TCEA3: variants seen among roughly 807,000 people sequenced by gnomAD.
TCEA3 encodes the protein transcription elongation factor A3, also known as transcription elongation factor A protein 3.
In TCEA3, 36 loss-of-function variants were observed where a neutral mutation model predicts 44.0. The ratio of observed to expected loss-of-function variants is 0.82; its 90% CI spans 0.63 to 1.08. The LOEUF (loss-of-function observed/expected upper bound fraction) is 1.08. Ranked by LOEUF, TCEA3 falls within the 50% of genes least tolerant of loss-of-function variation. TCEA3 has a pLI of 0.00. For missense variants in TCEA3, 392 were observed against 441.2 expected (o/e 0.89, Z 1.00); for synonymous variants, 162 against 159.7 (o/e 1.01, Z -0.11).
At chr1:23,384,106 A>C in intron 10 of TCEA3, 1 of 1,346,612 alleles carries the variant, frequency 7.4e-7, no homozygotes, top group South Asian at 1.9e-5. Flanking sequence ...CCTGTGATAA[A>C]ATGTGGGCTG....
chr1:23,413,899 T>C (rs964118747), intron 4 of TCEA3, among the ~76,000 whole-genome samples: 1 of 151,370 alleles, frequency 6.6e-6, no homozygotes, highest in Non-Finnish European at 1.5e-5. Flanking sequence ...CAAAATAGTA[T>C]ACAGAGTGTA....
chr1:23,387,680 C>A (rs1289604404), intron 8 of TCEA3, among the ~76,000 whole-genome samples: 1 of 152,152 alleles, frequency 6.6e-6, no homozygotes, highest in Non-Finnish European at 1.5e-5. Context: ...AGGACGAGCA[C>A]TCCTGTGTAC....
chr1:23,387,310 C>A lies in TCEA3; in HGVS notation c.929G>T (p.Cys310Phe). 6.2e-7 allele frequency: 1 copy of A among 1,613,966 alleles called. No homozygotes were observed. The highest frequency in any genetic ancestry group is 8.5e-7 in the Non-Finnish European group (1 of 1,179,890). Reference protein sequence around the residue: ...TGGTTTDLFQCSKCKKKNCTY... With the variant: ...TGGTTTDLFQFSKCKKKNCTY... Reference sequence around the variant, plus strand: ...GCAGTTCTTCTTCTTGCATTTGCTGCACTGGAAGAGGTCAGTGGTGGTGCC... The same window carrying A: ...GCAGTTCTTCTTCTTGCATTTGCTGAACTGGAAGAGGTCAGTGGTGGTGCC... Residue 310 changes from cysteine (C) to phenylalanine (F), a missense_variant, in exon 9 of 11, where the codon TGC becomes TTC. Cys to Phe is a radical substitution (Grantham distance 205). Coordinates refer to ENST00000450454, the MANE Select transcript of TCEA3 (RefSeq NM_003196.3).
rs578093890 is a variant in TCEA3 at position 23,424,692 on chromosome 1, G to T, written c.-59C>A. On this transcript the variant is annotated 5_prime_UTR_variant, in exon 1 of 11. Transcript: ENST00000450454. ...CAGGGGCAGCAGTAGGGCCTCGGGG[G>T]CAGGAGGCGCGAAGGCGGAGGGCGC... The T allele has an allele frequency of 2.2e-6, 3 of 1,387,424 alleles. No individual in the cohort carries two copies. The Admixed American group carries it at 5.7e-5, about 26-fold the overall frequency. The allele number at this position is 1,387,424 out of a possible 1,614,324, so 85.9% of individuals were successfully genotyped here.
chr1:23,416,000 C>CTTT (rs768819564), intron 4 of TCEA3, among the ~76,000 whole-genome samples: 66 of 118,690 alleles, frequency 5.6e-4, no homozygotes, highest in East Asian at 9.8e-4. Flanking sequence ...CTACATTTTC[C>CTTT]TTTTTTTTTT....
chr1:23,398,030 T>C (rs1249778990), intron 5 of TCEA3, 75 bp from the exon 6 acceptor site: 11 of 1,536,316 alleles, frequency 7.2e-6, no homozygotes, highest in Non-Finnish European at 9.7e-6. Flanking sequence ...TCTAGATGTC[T>C]TGATGGATGA....
At chr1:23,415,834 C>A (rs1639872627) in intron 4 of TCEA3, among the ~76,000 whole-genome samples, 1 of 152,028 alleles carries the variant, frequency 6.6e-6, no homozygotes, top group African/African-American at 2.4e-5. Flanking sequence ...GTGACAAAAC[C>A]ATTTCACAGG....
chr1:23,398,331 T>C (rs998684952), intron 5 of TCEA3, among the ~76,000 whole-genome samples: 18 of 152,220 alleles, frequency 1.2e-4, no homozygotes, highest in African/African-American at 3.6e-4. Context: ...CCAATAATTA[T>C]ATGCAATTGA....
At chr1:23,390,272 C>T (rs1445657993) in intron 8 of TCEA3, among the ~76,000 whole-genome samples, 2 of 152,238 alleles carry the variant, frequency 1.3e-5, no homozygotes, top group South Asian at 2.1e-4. Flanking sequence ...AGTTTGAGAC[C>T]AACCTGGCCA....
chr1:23,387,517 T>C, intron 8 of TCEA3, 98 bp from the exon 9 acceptor site: 1 of 1,365,730 alleles, frequency 7.3e-7, no homozygotes. Context: ...GGAGGTAACA[T>C]GCTTTATTGA....
chr1:23,381,749 C>T (rs540257291), intron 10 of TCEA3, among the ~76,000 whole-genome samples: 1 of 152,316 alleles, frequency 6.6e-6, no homozygotes, highest in East Asian at 1.9e-4. Flanking sequence ...TCAAGAACAT[C>T]ACTGGGATGG....
At chr1:23,393,402 T>G (rs1639119971) in intron 8 of TCEA3, among the ~76,000 whole-genome samples, 1 of 150,894 alleles carries the variant, frequency 6.6e-6, no homozygotes, top group African/African-American at 2.5e-5. Flanking sequence ...GCACTCCACA[T>G]ATACACACCA....
chr1:23,398,549 G>A (rs1639287674), intron 5 of TCEA3, among the ~76,000 whole-genome samples: 1 of 152,294 alleles, frequency 6.6e-6, no homozygotes, highest in East Asian at 1.9e-4. Flanking sequence ...AAAAGGGCTG[G>A]CTTTGCTAGA....
chr1:23,383,665 C>T (rs1638737092), intron 10 of TCEA3: 2 of 985,276 alleles, frequency 2.0e-6, no homozygotes, highest in Admixed American at 6.2e-5. Context: ...CCTGGTGGCC[C>T]AGACATCACA....
chr1:23,419,423 T>A, intron 1 of TCEA3: 1 of 323,370 alleles, frequency 3.1e-6, no homozygotes, highest in Non-Finnish European at 5.6e-6. Flanking sequence ...CCCTTCCCCA[T>A]CTTTCCTCCC....
In TCEA3 at chr1:23,402,560, C is replaced by A. The variant is rs79277152; in HGVS notation, c.444-4605G>T. Among the ~76,000 whole-genome samples the A allele has an allele frequency of 7.8e-3, 1,185 of 152,332 alleles. 23 individuals carry two copies. Among genetic ancestry groups the A allele is most frequent in the African/African-American group, 0.027 (1,119 of 41,578 alleles). ...TCTTCCTTCCTGGAATGCTCTTCCT[C>A]CTCCAGGTCTCAGCTCGCATGAGGG... On this transcript the variant is annotated intron_variant, in intron 5 of 10. Coordinates refer to ENST00000450454, the MANE Select transcript of TCEA3 (RefSeq NM_003196.3).
At chr1:23,409,044 C>T (rs1032249683) in intron 4 of TCEA3, among the ~76,000 whole-genome samples, 2 of 152,122 alleles carry the variant, frequency 1.3e-5, no homozygotes, top group East Asian at 1.9e-4. Flanking sequence ...TCCTGGCTGT[C>T]AGGCAGGCCT....
intron 10 of TCEA3, chr1:23,383,717 A>G (rs1214599276): frequency 2.0e-6 from 2 of 985,390 alleles, no homozygotes; most frequent in Non-Finnish European, 2.4e-6. Context: ...AACTGACAAT[A>G]GGCACGTGAC....
intron 8 of TCEA3, among the ~76,000 whole-genome samples, chr1:23,391,214 G>A (rs969159575): frequency 2.1e-5 from 3 of 142,786 alleles, no homozygotes; most frequent in Admixed American, 7.4e-5. Flanking sequence ...CTGGGTTCAA[G>A]CGATTCTCCT....
Sources: gnomAD v4.1 joint callset for allele counts (sites outside exome capture counted in the v4.1 genomes callset) on GRCh38, gnomAD v4.1.1 for gene constraint, MANE v1.5 for transcripts, NCBI Gene and HGNC (gene_info 2026-07-23, HGNC 2026-07-21) for gene names.